The following SON variants were observed in gnomAD, a reference collection of about 807,000 sequenced individuals.
The protein encoded by SON is SON DNA and RNA binding protein, also known as protein SON.
In SON, 4 loss-of-function variants were observed where a neutral mutation model predicts 173.3. The ratio of observed to expected loss-of-function variants is 0.02; its 90% CI spans 0.01 to 0.05. SON has a LOEUF of 0.05. Ranked by LOEUF, SON falls within the 10% of genes least tolerant of loss-of-function variation. The pLI is 1.00. For missense variants in SON, 2,626 were observed against 3,055.3 expected (o/e 0.86, Z 3.31); for synonymous variants, 1,190 against 1,105.9 (o/e 1.08, Z -1.51).
At chr21:33,546,652 G>T (rs1346891291) in intron 2 of SON, 2 of 221,830 alleles carry the variant, frequency 9.0e-6, no homozygotes, top group South Asian at 6.1e-5. Flanking sequence ...GTGGTGGTGG[G>T]TGCCTGTAAT....
At chr21:33,569,754 A>C in intron 8 of SON, 2 of 327,118 alleles carry the variant, frequency 6.1e-6, no homozygotes, top group South Asian at 4.9e-5. Context: ...GGATGGCTGG[A>C]GTGGGGTGGG....
chr21:33,560,554 A>C, intron 6 of SON: 1 of 987,012 alleles, frequency 1.0e-6, no homozygotes, highest in Non-Finnish European at 1.2e-6. Flanking sequence ...AGTGCACATG[A>C]AAACAGCAAG....
At position 33,554,594 on chromosome 21, in the gene SON, A is replaced by G; in HGVS notation, c.5363A>G (p.Asp1788Gly). The change falls in exon 3 of 12, where the codon GAT (aspartate) becomes GGT (glycine). Residue 1788 changes from aspartate (D) to glycine (G), a missense_variant. Coordinates refer to ENST00000356577, the MANE Select transcript of SON (RefSeq NM_138927.4). ...TCAGAGTCTTCTTCAGAGGAAAAAG[A>G]TGATTATGAAATTTTTGTAAAAGTT... ...RASESSSEEK[D>G]DYEIFVKVKD... 1.2e-6 allele frequency: 2 copies of G among 1,613,990 alleles called. No homozygotes were observed. Among genetic ancestry groups the G allele is most frequent in the Non-Finnish European group, 8.5e-7 (1 of 1,180,028 alleles).
chr21:33,550,761 G>A lies in SON; in HGVS notation c.1530G>A (p.Thr510=), dbSNP rs758214080. ...AGTTGACCGAACAACCTGTGACGACGACAGAGTTGGAGCAGCCTGTGGGGA... is the reference window on the plus strand; with the variant it reads ...AGTTGACCGAACAACCTGTGACGACAACAGAGTTGGAGCAGCCTGTGGGGA... ...AMELTEQPVT[T]TELEQPVGMT... is the part of the protein sequence containing the mutation. The change falls in exon 3 of 12, where the codon ACG becomes ACA. Residue 510 remains threonine (T), a synonymous_variant. Transcript: ENST00000356577. 8.7e-6 allele frequency: 14 copies of A among 1,614,056 alleles called. No homozygotes were observed. Among genetic ancestry groups the A allele is most frequent in the East Asian group, 6.7e-5 (3 of 44,894 alleles).
rs1310073404 is a variant in SON at position 33,573,292 on chromosome 21, T to C, written c.6886-16T>C. The stretch of plus-strand genomic sequence containing the variant: ...ACTGTAAAATGGGGACATTTTACCT[T>C]TCTTTCTTTGGATAGGATCAGTTCT... On this transcript the variant is annotated splice_polypyrimidine_tract_variant and intron_variant, in intron 8 of 11. Transcript: ENST00000356577. The C allele has an allele frequency of 1.9e-6, 3 of 1,592,862 alleles. No individual in the cohort carries two copies. The highest frequency in any genetic ancestry group is 2.6e-6 in the Non-Finnish European group (3 of 1,171,872).
chr21:33,544,594 C>T (rs2085568136), intron 1 of SON, among the ~76,000 whole-genome samples: 1 of 152,172 alleles, frequency 6.6e-6, no homozygotes, highest in South Asian at 2.1e-4. Context: ...TTGTATTGAT[C>T]ATTTTTCCAG....
At chr21:33,562,242 T>C (rs1399372149) in intron 6 of SON, among the ~76,000 whole-genome samples, 1 of 152,236 alleles carries the variant, frequency 6.6e-6, no homozygotes, top group African/African-American at 2.4e-5. Flanking sequence ...ATACCAATGT[T>C]GTGAAATACT....
chr21:33,545,325 T>A (rs1178050982), intron 1 of SON, among the ~76,000 whole-genome samples: 1 of 152,204 alleles, frequency 6.6e-6, no homozygotes, highest in African/African-American at 2.4e-5. Context: ...AGATGTTCCT[T>A]AATAATAATT....
At position 33,552,116 on chromosome 21, in the gene SON, C is replaced by T. The variant is rs1186361701; in HGVS notation, c.2885C>T (p.Pro962Leu). 6.2e-7 allele frequency: 1 copy of T among 1,613,902 alleles called. No individual in the cohort carries two copies. The highest frequency in any genetic ancestry group is 8.5e-7 in the Non-Finnish European group (1 of 1,179,990). ...GHDPYRLTPD[P>L]YRMSPRPYRI... is the part of the protein sequence containing the mutation. ...GATCCCTACAGACTAACTCCTGATC[C>T]CTATAGGATGTCACCTAGACCCTAC... The change falls in exon 3 of 12, where the codon CCC (proline) becomes CTC (leucine). Residue 962 changes from proline (P) to leucine (L), a missense_variant. This residue lies in a region of SON where 366 missense variants were observed against 448.6 expected (regional missense o/e 0.82). Transcript: ENST00000356577. This position sits in a 1 kb window ranked among gnomAD's most constrained non-coding sequence, Gnocchi z 5.6.
intron 6 of SON, among the ~76,000 whole-genome samples, chr21:33,563,965 T>G (rs1569064290): frequency 6.6e-6 from 1 of 152,168 alleles, no homozygotes; most frequent in Non-Finnish European, 1.5e-5. Flanking sequence ...AGAGCAAAGG[T>G]GAAAAGTCAG....
At chr21:33,574,911 C>T (rs1377927110) in intron 9 of SON, among the ~76,000 whole-genome samples, 1 of 152,122 alleles carries the variant, frequency 6.6e-6, no homozygotes, top group Non-Finnish European at 1.5e-5. Context: ...AAAAAAGGGA[C>T]CTATTTTATT....
intron 1 of SON, among the ~76,000 whole-genome samples, chr21:33,544,102 C>T (rs772726499): frequency 6.6e-6 from 1 of 152,120 alleles, no homozygotes; most frequent in African/African-American, 2.4e-5. Flanking sequence ...GTAAGTGTTC[C>T]GAGTTCAAGT....
At chr21:33,560,282 G>T (rs2086046788) in intron 6 of SON, 2 of 1,429,740 alleles carry the variant, frequency 1.4e-6, no homozygotes, top group Non-Finnish European at 1.8e-6. Flanking sequence ...GTTTCTCTGG[G>T]TTGTTTGTCA....
Position 33,554,136 on chromosome 21 carries a change from A to T in SON, c.4905A>T (p.Gln1635His), listed in dbSNP as rs753931635. Residue 1635 changes from glutamine (Q) to histidine (H), a missense_variant, in exon 3 of 12, where the codon CAA becomes CAT. This residue lies in a region of SON where 1,006 missense variants were observed against 895.6 expected (regional missense o/e 1.12). Coordinates refer to ENST00000356577, the MANE Select transcript of SON (RefSeq NM_138927.4). Reference protein sequence around the residue: ...KYDVDLSLTTQDTEHDMVIST... With the variant: ...KYDVDLSLTTHDTEHDMVIST... ...ATGTTGATTTATCTTTAACTACTCA[A>T]GATACTGAACATGACATGGTAATTT... 3 of 1,614,000 alleles carry T rather than the reference A, an allele frequency of 1.9e-6. No homozygotes were observed. In the East Asian group the frequency reaches 6.7e-5, roughly 36 times the overall value.
Position 33,559,128 on chromosome 21 carries a change from G to A in SON, c.6322-102G>A. ...GTATCTATAACCTATCATGAATCTTGTTTAACTTTGGAAAGTTGCTATTAT... is the reference window on the plus strand; with the variant it reads ...GTATCTATAACCTATCATGAATCTTATTTAACTTTGGAAAGTTGCTATTAT... On this transcript the variant is annotated intron_variant, in intron 4 of 11. Transcript: ENST00000356577. This position sits in a 1 kb window ranked among gnomAD's most constrained non-coding sequence, Gnocchi z 4.1. 1 of 921,030 alleles carries A rather than the reference G, an allele frequency of 1.1e-6. No individual in the cohort carries two copies. Among genetic ancestry groups the A allele is most frequent in the East Asian group, 2.7e-5 (1 of 37,480 alleles). The allele number at this position is 921,030 out of a possible 1,614,324, so 57.1% of individuals were successfully genotyped here. A position where few individuals can be genotyped will look rare whatever the true frequency, so the allele number is the denominator to read the frequency against.
In SON at chr21:33,550,793, C is replaced by T. The variant is rs149866647; in HGVS notation, c.1562C>T (p.Thr521Met). 17 of 1,614,058 alleles carry T rather than the reference C, an allele frequency of 1.1e-5. No homozygotes were observed. The highest frequency in any genetic ancestry group is 6.7e-5 in the African/African-American group (5 of 74,932). Residue 521 changes from threonine to methionine, a missense_variant, in exon 3 of 12, where the codon ACG (threonine) becomes ATG (methionine). Around this residue, in one of 13 missense-constraint regions of SON, gnomAD observed 757 missense variants for 730.1 expected, o/e 1.04. Coordinates refer to ENST00000356577, the MANE Select transcript of SON (RefSeq NM_138927.4). The stretch of plus-strand genomic sequence containing the variant: ...TTGGAGCAGCCTGTGGGGATGACAA[C>T]GGTGGAACATCCTGGGCATCCTGAG... Reference protein sequence around the residue: ...TELEQPVGMTTVEHPGHPEVT... With the variant: ...TELEQPVGMTMVEHPGHPEVT...
chr21:33,553,754 A>G lies in SON; in HGVS notation c.4523A>G (p.His1508Arg). ...PEIGMQEIALHSGEEPHAEEH... is the reference protein window; with the variant it reads ...PEIGMQEIALRSGEEPHAEEH... ...ATTGGCATGCAGGAGATTGCATTGC[A>G]TTCAGGTGAAGAACCACATGCTGAG... is the stretch of plus-strand genomic sequence containing the variant. Residue 1508 changes from histidine to arginine, a missense_variant, in exon 3 of 12, where the codon CAT becomes CGT. Physicochemically the swap from His to Arg is conservative, Grantham distance 29. Coordinates refer to ENST00000356577, the MANE Select transcript of SON (RefSeq NM_138927.4). The G allele has an allele frequency of 1.9e-6, 3 of 1,614,088 alleles. No homozygotes were observed. The highest frequency in any genetic ancestry group is 2.5e-6 in the Non-Finnish European group (3 of 1,179,986).
chr21:33,564,272 C>G (rs1257446940), intron 6 of SON, among the ~76,000 whole-genome samples: 1 of 152,180 alleles, frequency 6.6e-6, no homozygotes, highest in Non-Finnish European at 1.5e-5. Context: ...GGTTTTTAAT[C>G]ACACTAGTTA....
intron 2 of SON, among the ~76,000 whole-genome samples, chr21:33,548,046 C>T (rs1353001898): frequency 6.6e-6 from 1 of 152,006 alleles, no homozygotes; most frequent in Non-Finnish European, 1.5e-5. Flanking sequence ...CTTAATGGCT[C>T]AGATTTCTGA....
Sources: allele counts gnomAD v4.1 joint callset (sites outside exome capture counted in the v4.1 genomes callset), GRCh38; gene constraint gnomAD v4.1.1; regional missense constraint gnomAD v4.1.1; non-coding constraint Gnocchi (gnomAD v3.1); transcripts MANE v1.5; gene names NCBI Gene and HGNC (gene_info 2026-07-23, HGNC 2026-07-21).